The following OXR1 variants were observed in gnomAD, a reference collection of about 807,000 sequenced individuals.
The protein encoded by OXR1 is oxidation resistance protein 1.
OXR1 carries 41 observed loss-of-function variants against 104.6 expected under a neutral mutation model. That is an observed-to-expected ratio of 0.39 (90% confidence interval 0.31 to 0.51). The LOEUF (loss-of-function observed/expected upper bound fraction) is 0.51, where lower values mean the gene tolerates loss of function less well. Among genes scored for constraint, OXR1 ranks in the 20% least tolerant of loss-of-function variants. OXR1 has a pLI of 0.77. For synonymous variants in OXR1, 348 were observed against 348.4 expected (o/e 1.00, Z 0.01); for missense variants, 955 against 1,031.9 (o/e 0.93, Z 1.02).
chr8:106,347,912 C>T lies in OXR1; in HGVS notation c.-138-11564C>T, dbSNP rs556025608. ...GTTCACCTTTCACAGATAGGTAAACCGTAACATGAGTTTTCTGATGAACCT... is the reference window on the plus strand; with the variant it reads ...GTTCACCTTTCACAGATAGGTAAACTGTAACATGAGTTTTCTGATGAACCT... On this transcript the variant is annotated intron_variant, in intron 1 of 16. Coordinates refer to ENST00000517566, the MANE Select transcript of OXR1 (RefSeq NM_001198533.2). 6.6e-5 allele frequency among the ~76,000 whole-genome samples: 10 copies of T among 151,832 alleles called. No homozygotes were observed. The South Asian group carries it at 1.0e-3, about 16-fold the overall frequency.
At chr8:106,468,829 T>A (rs918371504) in intron 2 of OXR1, among the ~76,000 whole-genome samples, 3 of 151,768 alleles carry the variant, frequency 2.0e-5, no homozygotes, top group African/African-American at 7.3e-5. Flanking sequence ...GATTACTTCG[T>A]CATGAGAGAC....
intron 3 of OXR1, among the ~76,000 whole-genome samples, chr8:106,642,095 A>G (rs1563663218): frequency 6.6e-6 from 1 of 152,154 alleles, no homozygotes; most frequent in Admixed American, 6.6e-5. Context: ...ATTTTTCTCA[A>G]TTAAGAAGAA....
At chr8:106,748,554 CTTTTTTTTTTTTTTTT>C (rs71307088) in intron 16 of OXR1, among the ~76,000 whole-genome samples, 3 of 48,874 alleles carry the variant, frequency 6.1e-5, no homozygotes, top group African/African-American at 2.1e-4. Context: ...AGTACCAACT[CTTTTTTTTTTTTTTTT>C]TTTTTTTTTT....
intron 1 of OXR1, among the ~76,000 whole-genome samples, chr8:106,349,159 T>A (rs1815618697): frequency 6.6e-6 from 1 of 152,130 alleles, no homozygotes; most frequent in African/African-American, 2.4e-5. Flanking sequence ...TTTAAGAATT[T>A]AAAAAAATTA....
At chr8:106,522,451 T>C (rs977130913) in intron 3 of OXR1, among the ~76,000 whole-genome samples, 2 of 152,236 alleles carry the variant, frequency 1.3e-5, no homozygotes, top group Admixed American at 1.3e-4. Context: ...TTGTTTTTAC[T>C]CTGGAATATT....
At chr8:106,506,380 A>G (rs900853236) in intron 2 of OXR1, among the ~76,000 whole-genome samples, 3 of 152,258 alleles carry the variant, frequency 2.0e-5, no homozygotes, top group South Asian at 4.1e-4. Flanking sequence ...TTGGGAGGCC[A>G]AGGTGGGCGG....
intron 10 of OXR1, among the ~76,000 whole-genome samples, chr8:106,711,326 C>G (rs550364754): frequency 6.6e-6 from 1 of 152,022 alleles, no homozygotes; most frequent in African/African-American, 2.4e-5. Flanking sequence ...GTTACTTATA[C>G]CCAGTAGAAC....
chr8:106,340,348 G>A (rs141924480), intron 1 of OXR1, among the ~76,000 whole-genome samples: 13 of 152,076 alleles, frequency 8.5e-5, no homozygotes, highest in African/African-American at 2.6e-4. Flanking sequence ...GTAATTATAT[G>A]CTTTAGAAGT....
At chr8:106,522,269 C>T (rs752906372) in intron 3 of OXR1, among the ~76,000 whole-genome samples, 1 of 152,214 alleles carries the variant, frequency 6.6e-6, no homozygotes, top group East Asian at 1.9e-4. Context: ...AGCCCAAGTT[C>T]CTGATATAAA....
At chr8:106,641,571 C>G (rs907812661) in intron 3 of OXR1, among the ~76,000 whole-genome samples, 2 of 152,082 alleles carry the variant, frequency 1.3e-5, no homozygotes, top group Admixed American at 1.3e-4. Flanking sequence ...TCTCAACATC[C>G]AGTAGAATAG....
chr8:106,310,322 T>C (rs2130129062), intron 1 of OXR1, among the ~76,000 whole-genome samples: 1 of 151,936 alleles, frequency 6.6e-6, no homozygotes, highest in East Asian at 1.9e-4. Context: ...TATTCTGTCA[T>C]GGCTTTGGTT....
intron 1 of OXR1, among the ~76,000 whole-genome samples, chr8:106,346,110 G>A (rs74501487): frequency 6.6e-6 from 1 of 151,086 alleles, no homozygotes; most frequent in African/African-American, 2.4e-5. Context: ...CCCCCCTACC[G>A]CCGCCAGTGA....
intron 2 of OXR1, among the ~76,000 whole-genome samples, chr8:106,414,329 G>T (rs1021198683): frequency 7.2e-5 from 11 of 152,070 alleles, no homozygotes; most frequent in Admixed American, 6.6e-4. Flanking sequence ...TGTCTATCCT[G>T]TGTAATTCCG....
chr8:106,506,324 A>T (rs989455432), intron 2 of OXR1, among the ~76,000 whole-genome samples: 5 of 152,152 alleles, frequency 3.3e-5, no homozygotes, highest in Admixed American at 3.3e-4. Flanking sequence ...GTAAAAACAG[A>T]GAGTTTTGGC....
chr8:106,576,369 C>T (rs565704652), intron 3 of OXR1, among the ~76,000 whole-genome samples: 28 of 143,746 alleles, frequency 1.9e-4, no homozygotes, highest in Non-Finnish European at 3.7e-4. Flanking sequence ...TTTAGAATAA[C>T]ATTCTGGAAA....
chr8:106,270,767 G>C (rs557642554), intron 1 of OXR1, among the ~76,000 whole-genome samples: 1 of 152,082 alleles, frequency 6.6e-6, no homozygotes. Context: ...CAGCGTGAGA[G>C]CAGTGTTGGG....
chr8:106,448,579 A>G (rs1820133379), intron 2 of OXR1, among the ~76,000 whole-genome samples: 1 of 152,200 alleles, frequency 6.6e-6, no homozygotes, highest in Non-Finnish European at 1.5e-5. Context: ...TGTTGTCTAT[A>G]TTATTCTGTG....
intron 1 of OXR1, among the ~76,000 whole-genome samples, chr8:106,301,338 TACA>T (rs2130088680): frequency 6.8e-6 from 1 of 147,176 alleles, no homozygotes; most frequent in African/African-American, 2.7e-5. Flanking sequence ...ATATGCAGAA[TACA>T]ACAACTATTT....
chr8:106,587,771 A>G (rs1818739351), intron 3 of OXR1, among the ~76,000 whole-genome samples: 1 of 152,080 alleles, frequency 6.6e-6, no homozygotes, highest in Non-Finnish European at 1.5e-5. Flanking sequence ...TTAAGGGTAT[A>G]GACTGGAACA....
Sources: gnomAD v4.1 joint callset for allele counts (sites outside exome capture counted in the v4.1 genomes callset) on GRCh38, gnomAD v4.1.1 for gene constraint, MANE v1.5 for transcripts, NCBI Gene and HGNC (gene_info 2026-07-23, HGNC 2026-07-21) for gene names.